The following CHRM3 variants were observed in gnomAD, a reference collection of about 807,000 sequenced individuals.
The protein encoded by CHRM3 is muscarinic acetylcholine receptor M3.
A neutral mutation model predicts 41.8 loss-of-function variants in CHRM3; 11 were observed. That is an observed-to-expected ratio of 0.26 (90% CI 0.17 to 0.44). CHRM3 has a LOEUF of 0.44. CHRM3 is among the 20% of genes least tolerant of loss of function. The pLI, the probability that CHRM3 is intolerant of heterozygous loss-of-function variation, is 1.00. For synonymous variants in CHRM3, 297 were observed against 301.4 expected (o/e 0.99, Z 0.15); for missense variants, 571 against 745.4 (o/e 0.77, Z 2.72).
chr1:239,504,887 T>C (rs572935015), intron 2 of CHRM3, among the ~76,000 whole-genome samples: 1 of 151,694 alleles, frequency 6.6e-6, no homozygotes, highest in African/African-American at 2.4e-5. Flanking sequence ...ATAAGAATGA[T>C]ACAATGGACT....
chr1:239,514,218 T>C (rs948551387), intron 2 of CHRM3, among the ~76,000 whole-genome samples: 1 of 152,148 alleles, frequency 6.6e-6, no homozygotes, highest in African/African-American at 2.4e-5. Context: ...ATAGACCAAG[T>C]TGAGAAGAAC....
intron 2 of CHRM3, among the ~76,000 whole-genome samples, chr1:239,525,631 C>A (rs1279791462): frequency 6.6e-6 from 1 of 152,146 alleles, no homozygotes; most frequent in Non-Finnish European, 1.5e-5. Context: ...ACAATATATG[C>A]ATACATGTTA....
At chr1:239,772,112 G>A (rs1667725120) in intron 5 of CHRM3, among the ~76,000 whole-genome samples, 1 of 152,242 alleles carries the variant, frequency 6.6e-6, no homozygotes, top group Middle Eastern at 3.4e-3. Context: ...GGGTGGGTAT[G>A]AAGACAAAGA....
At chr1:239,886,901 C>T (rs1678119654) in intron 6 of CHRM3, among the ~76,000 whole-genome samples, 3 of 152,150 alleles carry the variant, frequency 2.0e-5, no homozygotes, top group Admixed American at 2.0e-4. Context: ...GTGATTTTAT[C>T]AAAGCGACCT....
At chr1:239,686,618 A>G (rs1391490057) in intron 5 of CHRM3, among the ~76,000 whole-genome samples, 2 of 152,160 alleles carry the variant, frequency 1.3e-5, no homozygotes, top group Non-Finnish European at 2.9e-5. Flanking sequence ...TACTCCTCAG[A>G]CTGTGAGTTC....
At chr1:239,840,837 T>C (rs945633520) in intron 6 of CHRM3, among the ~76,000 whole-genome samples, 2 of 152,228 alleles carry the variant, frequency 1.3e-5, no homozygotes, top group African/African-American at 4.8e-5. Context: ...GTTTGTAGAA[T>C]GGTATTCGGA....
intron 5 of CHRM3, among the ~76,000 whole-genome samples, chr1:239,801,629 G>A (rs1038084886): frequency 6.6e-6 from 1 of 152,056 alleles, no homozygotes; most frequent in African/African-American, 2.4e-5. Context: ...TACTTTTCCT[G>A]CCAAGCAGCC....
chr1:239,653,802 G>C (rs1001628822), intron 4 of CHRM3, among the ~76,000 whole-genome samples: 2 of 152,084 alleles, frequency 1.3e-5, no homozygotes, highest in African/African-American at 4.8e-5. Context: ...AGACTTTTAT[G>C]GTTGGCCCTG....
intron 1 of CHRM3, among the ~76,000 whole-genome samples, chr1:239,404,889 T>C (rs1362756541): frequency 1.3e-5 from 2 of 151,686 alleles, no homozygotes; most frequent in East Asian, 3.9e-4. Flanking sequence ...AAACAGACCA[T>C]ATTTTTGCAT....
chr1:239,797,771 T>C (rs921563116), intron 5 of CHRM3, among the ~76,000 whole-genome samples: 4 of 152,090 alleles, frequency 2.6e-5, no homozygotes, highest in Non-Finnish European at 5.9e-5. Flanking sequence ...GTCCAAGCCA[T>C]GTGTGGTGGC....
Position 239,910,113 on chromosome 1 carries a change from C to G in CHRM3, c.*889C>G, listed in dbSNP as rs1680275454. On this transcript the variant is annotated 3_prime_UTR_variant, in exon 7 of 7. Coordinates refer to ENST00000676153, the MANE Select transcript of CHRM3 (RefSeq NM_001375978.1). ...AGCTGAGCGCCGTGGCTTCGCCAGA[C>G]TTGGTGTTAAGCAACCTCCTTTGTT... is the stretch of plus-strand genomic sequence containing the variant. 6.0e-6 allele frequency: 1 copy of G among 166,954 alleles called. No individual in the cohort carries two copies. Among genetic ancestry groups the G allele is most frequent in the South Asian group, 2.1e-4 (1 of 4,822 alleles). 10.3% of individuals were successfully genotyped at this position (166,954 alleles called of 1,614,324 possible).
intron 5 of CHRM3, among the ~76,000 whole-genome samples, chr1:239,681,097 G>A (rs781199648): frequency 1.3e-5 from 2 of 152,084 alleles, no homozygotes; most frequent in African/African-American, 2.4e-5. Context: ...CACAAGAATA[G>A]CACAGGAATG....
intron 3 of CHRM3, among the ~76,000 whole-genome samples, chr1:239,574,967 C>A (rs2148555888): frequency 6.6e-6 from 1 of 152,184 alleles, no homozygotes; most frequent in East Asian, 1.9e-4. Context: ...AATGATTTGG[C>A]TCTAATGTTG....
chr1:239,663,446 C>T (rs1040832362), intron 4 of CHRM3, among the ~76,000 whole-genome samples: 17 of 152,140 alleles, frequency 1.1e-4, no homozygotes, highest in Non-Finnish European at 1.8e-4. Context: ...TGACAACCAA[C>T]GGAAGGAAAT....
At chr1:239,496,567 T>C (rs1667903032) in intron 2 of CHRM3, among the ~76,000 whole-genome samples, 1 of 151,600 alleles carries the variant, frequency 6.6e-6, no homozygotes, top group African/African-American at 2.4e-5. Flanking sequence ...ATTATACGGT[T>C]GTATCTCCAA....
At chr1:239,834,148 TCACACACACACACA>T (rs34990180) in intron 6 of CHRM3, among the ~76,000 whole-genome samples, 16 of 135,316 alleles carry the variant, frequency 1.2e-4, no homozygotes, top group South Asian at 5.4e-4. Flanking sequence ...TAATTCCACA[TCACACACACACACA>T]CACACACACA....
chr1:239,457,888 TC>T (rs1380462865), intron 1 of CHRM3, among the ~76,000 whole-genome samples: 10 of 152,200 alleles, frequency 6.6e-5, no homozygotes, highest in African/African-American at 2.4e-4. Context: ...ATGATGTGGA[TC>T]CAAACCAAGT....
intron 5 of CHRM3, among the ~76,000 whole-genome samples, chr1:239,817,373 C>T (rs1381841863): frequency 6.6e-6 from 1 of 152,154 alleles, no homozygotes; most frequent in Non-Finnish European, 1.5e-5. Flanking sequence ...TCTCTTCTTA[C>T]TTTTCCTTTC....
intron 1 of CHRM3, among the ~76,000 whole-genome samples, chr1:239,395,453 T>C (rs1012406084): frequency 2.0e-5 from 3 of 152,170 alleles, no homozygotes; most frequent in African/African-American, 7.2e-5. Context: ...TGATCTTGAT[T>C]TATTCTCTTC....
Sources: gnomAD v4.1 joint callset for allele counts (sites outside exome capture counted in the v4.1 genomes callset) on GRCh38, gnomAD v4.1.1 for gene constraint, MANE v1.5 for transcripts, NCBI Gene and HGNC (gene_info 2026-07-23, HGNC 2026-07-21) for gene names.